The following GALNT13 variants were observed in gnomAD, a reference collection of about 807,000 sequenced individuals.
The protein encoded by GALNT13 is polypeptide N-acetylgalactosaminyltransferase 13.
Under a neutral mutation model 64.2 loss-of-function variants are expected in GALNT13, and 28 were observed. The observed-to-expected ratio is 0.44, with a 90% CI of 0.32 to 0.60. The LOEUF is 0.60. Among genes scored for constraint, GALNT13 ranks in the 20% least tolerant of loss-of-function variants. GALNT13 has a pLI of 0.05. For synonymous variants in GALNT13, 214 were observed against 224.6 expected, an observed-to-expected ratio of 0.95 and a Z score of 0.42; for missense variants, 577 against 669.8, an observed-to-expected ratio of 0.86 and a Z score of 1.53.
intron 3 of GALNT13, among the ~76,000 whole-genome samples, chr2:154,048,591 G>T (rs1021590702): frequency 6.6e-6 from 1 of 151,928 alleles, no homozygotes; most frequent in African/African-American, 2.4e-5. Flanking sequence ...GTGTCATAAG[G>T]CCAGAATATC....
intron 10 of GALNT13, among the ~76,000 whole-genome samples, chr2:154,396,377 C>T (rs1699053447): frequency 6.6e-6 from 1 of 151,914 alleles, no homozygotes; most frequent in Non-Finnish European, 1.5e-5. Flanking sequence ...TGGTCATTTA[C>T]GTTCTTAAAA....
intron 8 of GALNT13, among the ~76,000 whole-genome samples, chr2:154,269,044 T>C (rs1573989037): frequency 1.3e-5 from 2 of 152,162 alleles, no homozygotes; most frequent in South Asian, 2.1e-4. Context: ...TGTCTTCTCA[T>C]GTGAAATCCA....
chr2:153,909,231 T>G (rs1688783617), intron 2 of GALNT13, among the ~76,000 whole-genome samples: 2 of 152,100 alleles, frequency 1.3e-5, no homozygotes, highest in Admixed American at 1.3e-4. Context: ...AATGTGATTT[T>G]TGTACATTTT....
the GALNT13 span, among the ~76,000 whole-genome samples, chr2:153,632,919 A>AT: frequency 6.6e-6 from 1 of 151,458 alleles, no homozygotes; most frequent in African/African-American, 2.4e-5. Flanking sequence ...CGCCCAGCTA[A>AT]TTTTTTTGGC....
the GALNT13 span, among the ~76,000 whole-genome samples, chr2:153,393,692 TG>T: frequency 6.6e-6 from 1 of 152,010 alleles, no homozygotes; most frequent in Admixed American, 6.6e-5. Context: ...CACTAGATTT[TG>T]AGTAAGATAG....
rs553228075 is a variant in GALNT13 at position 154,410,970 on chromosome 2, C to A, written c.1395+1888C>A. Among the ~76,000 whole-genome samples the A allele has an allele frequency of 3.9e-5, 6 of 152,018 alleles. 1 individual carries two copies. Among genetic ancestry groups the A allele is most frequent in the Admixed American group, 3.3e-4 (5 of 15,210 alleles). ...CACTCTACTGCAAACTTCTTGCTGG[C>A]AGTCCTATATCTTACTCCTGTTTTC... On this transcript the variant is annotated intron_variant, in intron 11 of 12. Coordinates refer to ENST00000392825, the MANE Select transcript of GALNT13 (RefSeq NM_052917.4).
chr2:153,170,056 T>C, the GALNT13 span, among the ~76,000 whole-genome samples: 1 of 152,222 alleles, frequency 6.6e-6, no homozygotes, highest in Non-Finnish European at 1.5e-5. Context: ...TATTATCTAA[T>C]TTATAAAATC....
intron 12 of GALNT13, chr2:154,445,781 A>T (rs1214417908): frequency 7.8e-7 from 1 of 1,285,698 alleles, no homozygotes; most frequent in East Asian, 5.6e-5. Context: ...CTGGTCTTTC[A>T]CTAAGTGTTT....
At chr2:154,330,393 C>T (rs1574098963) in intron 9 of GALNT13, among the ~76,000 whole-genome samples, 1 of 152,202 alleles carries the variant, frequency 6.6e-6, no homozygotes, top group Admixed American at 6.5e-5. Flanking sequence ...AACGAGAGAA[C>T]CACAAAGGCA....
At chr2:153,491,027 A>G in the GALNT13 span, among the ~76,000 whole-genome samples, 2 of 152,090 alleles carry the variant, frequency 1.3e-5, no homozygotes, top group Non-Finnish European at 2.9e-5. Context: ...ATATAATTTT[A>G]TACCACAACT....
the GALNT13 span, among the ~76,000 whole-genome samples, chr2:153,076,906 C>T: frequency 3.3e-5 from 5 of 151,258 alleles, no homozygotes; most frequent in Admixed American, 6.6e-5. Context: ...ACTAATCTTG[C>T]GTTTTTTGTT....
chr2:153,611,576 G>A, the GALNT13 span, among the ~76,000 whole-genome samples: 3 of 151,518 alleles, frequency 2.0e-5, no homozygotes, highest in Non-Finnish European at 4.4e-5. Context: ...GGCCAGGCTG[G>A]TCTTGAACTT....
At chr2:154,321,845 A>C (rs1411665329) in intron 9 of GALNT13, among the ~76,000 whole-genome samples, 1 of 152,140 alleles carries the variant, frequency 6.6e-6, no homozygotes, top group East Asian at 1.9e-4. Flanking sequence ...TATATGTTAC[A>C]TTTTTGTGCA....
chr2:153,661,062 G>A, the GALNT13 span, among the ~76,000 whole-genome samples: 9 of 152,206 alleles, frequency 5.9e-5, no homozygotes, highest in South Asian at 2.1e-4. Context: ...CTTCAGCAGC[G>A]TACAAATCTC....
chr2:153,892,991 G>A (rs1175402700), intron 1 of GALNT13, among the ~76,000 whole-genome samples: 1 of 152,054 alleles, frequency 6.6e-6, no homozygotes, highest in African/African-American at 2.4e-5. Context: ...CACAAGATAT[G>A]AAGTCTTGAT....
At chr2:153,923,574 G>A (rs1161635388) in intron 2 of GALNT13, among the ~76,000 whole-genome samples, 1 of 151,656 alleles carries the variant, frequency 6.6e-6, no homozygotes, top group Non-Finnish European at 1.5e-5. Context: ...AAGTTCTAGG[G>A]TACATGTGCA....
chr2:154,450,962 T>C lies in GALNT13; in HGVS notation c.*411T>C, dbSNP rs967690137. On this transcript the variant is annotated 3_prime_UTR_variant, in exon 13 of 13. Transcript: ENST00000392825. ...CAGTTGCTTTATAAACTCACTCTTT[T>C]TATGGATCCTTCATGGAAACATGTT... The C allele has an allele frequency of 4.5e-5, 7 of 155,178 alleles. No homozygotes were observed. Among genetic ancestry groups the C allele is most frequent in the Non-Finnish European group, 8.6e-5 (6 of 69,896 alleles). 9.6% of individuals were successfully genotyped at this position (155,178 alleles called of 1,614,324 possible).
rs569626418 is a variant in GALNT13, at chr2:154,401,092, A to T, written c.1296+4962A>T. On this transcript the variant is annotated intron_variant, in intron 10 of 12. Transcript: ENST00000392825. ...TTAGCATATGCATTTTGTATTGTGT[A>T]CTTAACCTCGGGGTTTCTTTTTCCT... Among the ~76,000 whole-genome samples the T allele has an allele frequency of 2.0e-5, 3 of 152,312 alleles. No individual in the cohort carries two copies. The South Asian group carries it at 6.2e-4, about 32-fold the overall frequency.
chr2:153,406,615 C>T, the GALNT13 span, among the ~76,000 whole-genome samples: 1 of 152,086 alleles, frequency 6.6e-6, no homozygotes, highest in African/African-American at 2.4e-5. Context: ...GCCATGTTGG[C>T]CAGACTGGTC....
Sources: allele counts gnomAD v4.1 joint callset (sites outside exome capture counted in the v4.1 genomes callset), GRCh38; gene constraint gnomAD v4.1.1; transcripts MANE v1.5; gene names NCBI Gene and HGNC (gene_info 2026-07-23, HGNC 2026-07-21).